KIT: variants seen among roughly 807,000 people sequenced by gnomAD.
KIT encodes mast/stem cell growth factor receptor Kit.
Under a neutral mutation model 105.7 loss-of-function variants are expected in KIT, and 16 were observed. That is an observed-to-expected ratio of 0.15 (90% confidence interval 0.10 to 0.23). KIT has a LOEUF of 0.23. Ranked by LOEUF, KIT falls within the 10% of genes least tolerant of loss-of-function variation. The pLI is 1.00. For missense variants in KIT, 858 were observed against 1,213.8 expected, an observed-to-expected ratio of 0.71 and a Z score of 4.36; for synonymous variants, 438 against 441.1, an observed-to-expected ratio of 0.99 and a Z score of 0.09.
At chr4:54,725,833 G>A in intron 8 of KIT, 24 bp from the exon 9 acceptor site, 1 of 1,608,858 alleles carries the variant, frequency 6.2e-7, no homozygotes, top group African/African-American at 1.3e-5. Context: ...GAGTAAGCCA[G>A]GGCTTTTGTT....
chr4:54,693,121 C>T (rs1257306136), intron 1 of KIT, among the ~76,000 whole-genome samples: 1 of 152,194 alleles, frequency 6.6e-6, no homozygotes, highest in Admixed American at 6.5e-5. Context: ...GCCAGAACTA[C>T]CCAAGGGAGA....
chr4:54,672,274 G>T (rs888653016), intron 1 of KIT, among the ~76,000 whole-genome samples: 8 of 151,852 alleles, frequency 5.3e-5, no homozygotes, highest in Admixed American at 2.0e-4. Flanking sequence ...CTGTAAATTG[G>T]TGACTTAGAC....
chr4:54,722,861 ATATG>A (rs1560413812), intron 7 of KIT, among the ~76,000 whole-genome samples: 5,933 of 113,020 alleles, frequency 0.052, 391 homozygotes, highest in African/African-American at 0.22. Flanking sequence ...ATTTTTATAT[ATATG>A]TATATATATT....
chr4:54,690,656 C>T (rs565579021), intron 1 of KIT, among the ~76,000 whole-genome samples: 97 of 152,294 alleles, frequency 6.4e-4, no homozygotes, highest in African/African-American at 2.3e-3. Context: ...GCAAAAAGTC[C>T]TGGTGTAAAT....
intron 15 of KIT, among the ~76,000 whole-genome samples, chr4:54,731,664 T>A (rs1365194479): frequency 6.6e-6 from 1 of 152,166 alleles, no homozygotes; most frequent in Non-Finnish European, 1.5e-5. Flanking sequence ...ATCCCTCTCC[T>A]CTATGGATTT....
chr4:54,700,147 A>C (rs1720364751), intron 4 of KIT, among the ~76,000 whole-genome samples: 1 of 152,188 alleles, frequency 6.6e-6, no homozygotes, highest in Admixed American at 6.5e-5. Flanking sequence ...TATTGAAAAG[A>C]GTTGCCACTT....
chr4:54,671,482 T>C (rs1718106932), intron 1 of KIT, among the ~76,000 whole-genome samples: 1 of 152,226 alleles, frequency 6.6e-6, no homozygotes, highest in Admixed American at 6.5e-5. Flanking sequence ...ATTAGCAGCA[T>C]TAGGTCTATA....
At chr4:54,711,819 A>T (rs966244777) in intron 7 of KIT, among the ~76,000 whole-genome samples, 5 of 151,326 alleles carry the variant, frequency 3.3e-5, no homozygotes, top group African/African-American at 1.2e-4. Context: ...GCTAGTTGGG[A>T]GGCTGAGGCA....
chr4:54,694,202 G>A (rs1489072756), intron 1 of KIT, among the ~76,000 whole-genome samples: 2 of 151,998 alleles, frequency 1.3e-5, no homozygotes, highest in African/African-American at 4.8e-5. Flanking sequence ...TAACTCTAGA[G>A]GCTCTGTGCT....
intron 1 of KIT, among the ~76,000 whole-genome samples, chr4:54,662,552 G>T (rs967444591): frequency 1.3e-5 from 2 of 152,080 alleles, no homozygotes; most frequent in African/African-American, 4.8e-5. Context: ...TAAGATGATT[G>T]CCCTAAAGAT....
At chr4:54,664,916 T>TA (rs1357900975) in intron 1 of KIT, among the ~76,000 whole-genome samples, 1 of 150,792 alleles carries the variant, frequency 6.6e-6, no homozygotes, top group South Asian at 2.1e-4. Context: ...TAGTAAAACA[T>TA]ACATAAAATG....
intron 9 of KIT, 54 bp downstream of exon 9, chr4:54,726,104 T>G (rs1560416291): frequency 1.1e-5 from 15 of 1,412,840 alleles, no homozygotes; most frequent in Non-Finnish European, 1.5e-5. Context: ...GTCTACCATA[T>G]CAGTCATGAT....
chr4:54,659,071 G>A (rs1371710584), intron 1 of KIT, among the ~76,000 whole-genome samples: 2 of 152,014 alleles, frequency 1.3e-5, no homozygotes, highest in Non-Finnish European at 2.9e-5. Flanking sequence ...ACCTGTATTC[G>A]CAGGTCCTGT....
intron 1 of KIT, among the ~76,000 whole-genome samples, chr4:54,664,183 A>C (rs1717507954): frequency 6.6e-6 from 1 of 152,134 alleles, no homozygotes; most frequent in Non-Finnish European, 1.5e-5. Flanking sequence ...TTGTGGCTTC[A>C]GCTGAAAAAA....
intron 5 of KIT, among the ~76,000 whole-genome samples, chr4:54,706,084 C>T (rs143035986): frequency 0.014 from 2,052 of 151,458 alleles, 47 homozygotes; most frequent in African/African-American, 0.046. Context: ...TTTATTTAAC[C>T]GGTTTTCTAT....
rs1476510691 is a variant in KIT, at chr4:54,739,744, A to C, written c.*1187A>C. 4.3e-6 allele frequency: 1 copy of C among 233,450 alleles called. No homozygotes were observed. Among genetic ancestry groups the C allele is most frequent in the Non-Finnish European group, 8.5e-6 (1 of 117,960 alleles). 14.5% of individuals were successfully genotyped at this position (233,450 alleles called of 1,614,324 possible). On this transcript the variant is annotated 3_prime_UTR_variant, in exon 21 of 21. Transcript: ENST00000288135. ...GTCCAAGAGGGTCCTTTAGTACCTGAAAAGTAACTTGGCTTTCATTATTAG... is the reference window on the plus strand; with the variant it reads ...GTCCAAGAGGGTCCTTTAGTACCTGCAAAGTAACTTGGCTTTCATTATTAG...
intron 14 of KIT, among the ~76,000 whole-genome samples, chr4:54,729,867 A>G (rs1313433359): frequency 6.6e-6 from 1 of 152,166 alleles, no homozygotes; most frequent in Admixed American, 6.6e-5. Context: ...AAAGCCTCTC[A>G]AGTTGCCACA....
intron 1 of KIT, among the ~76,000 whole-genome samples, chr4:54,663,483 A>G (rs762029691): frequency 2.6e-5 from 4 of 152,146 alleles, no homozygotes; most frequent in Admixed American, 1.3e-4. Flanking sequence ...TGCCTCTTAG[A>G]AAAAAATTGA....
chr4:54,679,319 C>T (rs1718739032), intron 1 of KIT, among the ~76,000 whole-genome samples: 1 of 152,166 alleles, frequency 6.6e-6, no homozygotes, highest in Non-Finnish European at 1.5e-5. Flanking sequence ...TTATCCGGAG[C>T]TGTAGGTGAA....
Sources: gnomAD v4.1 joint callset for allele counts (sites outside exome capture counted in the v4.1 genomes callset) on GRCh38, gnomAD v4.1.1 for gene constraint, MANE v1.5 for transcripts, NCBI Gene and HGNC (gene_info 2026-07-23, HGNC 2026-07-21) for gene names.